Variants in SPATS2L observed in about 807,000 individuals in gnomAD.
SPATS2L encodes SPATS2-like protein.
SPATS2L carries 30 observed loss-of-function variants against 59.6 expected under a neutral mutation model. That is an observed-to-expected ratio of 0.50 (90% CI 0.38 to 0.68). The LOEUF is 0.68. Ranked by LOEUF, SPATS2L falls within the 30% of genes least tolerant of loss-of-function variation. The pLI is 0.00. For synonymous variants in SPATS2L, 252 were observed against 263.5 expected (o/e 0.96, Z 0.42); for missense variants, 615 against 700.0 (o/e 0.88, Z 1.37).
At chr2:200,389,810 C>T (rs2082116317) in intron 3 of SPATS2L, 1 of 152,990 alleles carries the variant, frequency 6.5e-6, no homozygotes, top group Non-Finnish European at 1.5e-5. Context: ...CTGAAAATCC[C>T]CACTTCTCAT....
At chr2:200,307,484 C>A (rs1283013986) in intron 1 of SPATS2L, among the ~76,000 whole-genome samples, 1 of 152,034 alleles carries the variant, frequency 6.6e-6, no homozygotes, top group Non-Finnish European at 1.5e-5. Flanking sequence ...GATGCGTTGG[C>A]GTCCGCGCTG....
At position 200,439,124 on chromosome 2, in the gene SPATS2L, G is replaced by T; in HGVS notation, c.448G>T (p.Gly150Cys). Residue 150 changes from glycine (G) to cysteine (C), a missense_variant and splice_region_variant, in exon 7 of 13, where the codon GGC (glycine) becomes TGC (cysteine). Transcript: ENST00000409140. ...PSKALRGVTEGNRLLQQKLSL... is the reference protein window; with the variant it reads ...PSKALRGVTECNRLLQQKLSL... ...CATTATTTGGTGTTTTCTTACAGAAGGCAACAGACTACTGCAACAGAAACT... is the reference window on the plus strand; with the variant it reads ...CATTATTTGGTGTTTTCTTACAGAATGCAACAGACTACTGCAACAGAAACT... The T allele has an allele frequency of 1.9e-6, 3 of 1,612,748 alleles. No individual in the cohort carries two copies. The highest frequency in any genetic ancestry group is 2.5e-6 in the Non-Finnish European group (3 of 1,178,972).
At chr2:200,466,669 A>T (rs1172161118) in intron 9 of SPATS2L, among the ~76,000 whole-genome samples, 2 of 152,240 alleles carry the variant, frequency 1.3e-5, no homozygotes, top group Non-Finnish European at 2.9e-5. Context: ...GGGGACACTT[A>T]TAGAAAGACC....
intron 6 of SPATS2L, among the ~76,000 whole-genome samples, chr2:200,428,087 A>C (rs928447594): frequency 5.3e-5 from 8 of 150,534 alleles, no homozygotes; most frequent in African/African-American, 2.0e-4. Flanking sequence ...AAAAAAAAGG[A>C]GTTTTCTTGA....
intron 8 of SPATS2L, among the ~76,000 whole-genome samples, chr2:200,453,199 T>C (rs2085588196): frequency 6.6e-6 from 1 of 152,090 alleles, no homozygotes; most frequent in South Asian, 2.1e-4. Flanking sequence ...GTAACCAGCA[T>C]AGAGGGTGCA....
Position 200,416,334 on chromosome 2 carries a change from T to C in SPATS2L, c.149-45T>C. The C allele has an allele frequency of 2.7e-6, 3 of 1,098,842 alleles. No individual in the cohort carries two copies. The South Asian group carries it at 6.7e-5, about 24-fold the overall frequency. 68.1% of individuals were successfully genotyped at this position (1,098,842 alleles called of 1,614,324 possible). Reference sequence around the variant, plus strand: ...AGACAGAGATGAATTTTGTGTGGTGTTTTATGATGTGAATATTTGTTGAAG... The same window carrying C: ...AGACAGAGATGAATTTTGTGTGGTGCTTTATGATGTGAATATTTGTTGAAG... On this transcript the variant is annotated intron_variant, in intron 4 of 12. Transcript: ENST00000409140.
chr2:200,335,988 GT>G (rs2080129779), intron 2 of SPATS2L, among the ~76,000 whole-genome samples: 1 of 152,084 alleles, frequency 6.6e-6, no homozygotes, highest in African/African-American at 2.4e-5. Flanking sequence ...TTGTTATATT[GT>G]GAAATATATT....
At chr2:200,422,537 C>CAAA (rs34573978) in intron 6 of SPATS2L, among the ~76,000 whole-genome samples, 8 of 133,164 alleles carry the variant, frequency 6.0e-5, no homozygotes, top group Non-Finnish European at 6.2e-5. Context: ...TAAGACTCCT[C>CAAA]AAAAAAAAAA....
At chr2:200,308,756 G>A in intron 1 of SPATS2L, 1 of 394,468 alleles carries the variant, frequency 2.5e-6, no homozygotes, top group South Asian at 4.6e-5. Context: ...GGAAAAGACT[G>A]TATTAATTGG....
chr2:200,351,435 A>C, intron 2 of SPATS2L: 1 of 411,622 alleles, frequency 2.4e-6, no homozygotes, highest in Non-Finnish European at 5.1e-6. Flanking sequence ...AATTAAAATT[A>C]AATGAATGGC....
rs760101340 is a variant in SPATS2L, at chr2:200,472,955, A to G, written c.1184A>G (p.Asn395Ser). The G allele has an allele frequency of 1.2e-5, 19 of 1,613,848 alleles. No individual in the cohort carries two copies. The highest frequency in any genetic ancestry group is 6.7e-5 in the East Asian group (3 of 44,880). ...SNFSRKSSTH[N>S]KPSEGKAANP... ...TTTTCCCGAAAATCATCCACTCACA[A>G]TAAGCCCTCTGAAGGCAAAGCGGCA... The change falls in exon 12 of 13, where the codon AAT (asparagine) becomes AGT (serine). Residue 395 changes from asparagine to serine, a missense_variant. This residue lies in a region of SPATS2L where 284 missense variants were observed against 280.1 expected (regional missense o/e 1.01). Transcript: ENST00000409140.
chr2:200,319,242 C>T (rs968926928), intron 1 of SPATS2L, among the ~76,000 whole-genome samples: 4 of 152,174 alleles, frequency 2.6e-5, no homozygotes, highest in African/African-American at 9.7e-5. Flanking sequence ...TTCCTCTAGG[C>T]ACCCACTACT....
intron 2 of SPATS2L, among the ~76,000 whole-genome samples, chr2:200,355,522 G>C (rs971015518): frequency 1.3e-5 from 2 of 152,208 alleles, no homozygotes; most frequent in Admixed American, 6.5e-5. Context: ...TATGCATTTA[G>C]TGATTTCTGT....
chr2:200,414,669 C>A (rs2082996341), intron 4 of SPATS2L, among the ~76,000 whole-genome samples: 1 of 151,990 alleles, frequency 6.6e-6, no homozygotes, highest in African/African-American at 2.4e-5. Context: ...AAAAGCCAAA[C>A]AACTGACAGT....
intron 6 of SPATS2L, among the ~76,000 whole-genome samples, chr2:200,425,334 A>G (rs2083506316): frequency 6.6e-6 from 1 of 152,166 alleles, no homozygotes; most frequent in Admixed American, 6.5e-5. Context: ...AAGATCAACA[A>G]AAAGAAAGCA....
chr2:200,320,859 G>A (rs1013552281), intron 1 of SPATS2L, among the ~76,000 whole-genome samples: 5 of 151,884 alleles, frequency 3.3e-5, no homozygotes, highest in African/African-American at 1.2e-4. Context: ...CCTTGGACTA[G>A]ATAGAAAAAA....
chr2:200,411,181 C>T (rs1476148112), intron 3 of SPATS2L, among the ~76,000 whole-genome samples: 2 of 152,066 alleles, frequency 1.3e-5, no homozygotes, highest in Non-Finnish European at 2.9e-5. Flanking sequence ...GGGTACATGA[C>T]AGTAGCTTGT....
At chr2:200,333,112 T>C (rs2080007920) in intron 2 of SPATS2L, among the ~76,000 whole-genome samples, 1 of 151,396 alleles carries the variant, frequency 6.6e-6, no homozygotes, top group Non-Finnish European at 1.5e-5. Context: ...GAATCTCTTT[T>C]CTACAAATAC....
chr2:200,464,596 C>G (rs542226230), intron 9 of SPATS2L, among the ~76,000 whole-genome samples: 1 of 152,112 alleles, frequency 6.6e-6, no homozygotes, highest in South Asian at 2.1e-4. Flanking sequence ...GCCTAATGAC[C>G]CCTTTACTAG....
Sources: allele counts gnomAD v4.1 joint callset (sites outside exome capture counted in the v4.1 genomes callset), GRCh38; gene constraint gnomAD v4.1.1; regional missense constraint gnomAD v4.1.1; transcripts MANE v1.5; gene names NCBI Gene and HGNC (gene_info 2026-07-23, HGNC 2026-07-21).